STXBP6: variants seen among roughly 807,000 people sequenced by gnomAD.
The protein encoded by STXBP6 is syntaxin-binding protein 6.
A neutral mutation model predicts 26.9 loss-of-function variants in STXBP6; 21 were observed. That is an observed-to-expected ratio of 0.78 (90% CI 0.55 to 1.12). STXBP6 has a LOEUF of 1.12. Among genes scored for constraint, STXBP6 ranks in the 50% most tolerant of loss-of-function variants. STXBP6 has a pLI of 0.00. For synonymous variants in STXBP6, 97 were observed against 92.6 expected (o/e 1.05, Z -0.27); for missense variants, 232 against 257.9 (o/e 0.90, Z 0.69).
intron 4 of STXBP6, among the ~76,000 whole-genome samples, chr14:24,837,606 T>C (rs192411781): frequency 4.6e-5 from 7 of 152,282 alleles, no homozygotes; most frequent in East Asian, 1.9e-4. Context: ...TGAGTACACA[T>C]AGAACACCTA....
intron 2 of STXBP6, among the ~76,000 whole-genome samples, chr14:24,969,514 T>C (rs369949016): frequency 1.3e-5 from 2 of 152,224 alleles, no homozygotes; most frequent in East Asian, 1.9e-4. Context: ...GACATTGTTG[T>C]GGGTAGGGCT....
intron 2 of STXBP6, among the ~76,000 whole-genome samples, chr14:24,941,864 C>T (rs920062518): frequency 2.0e-4 from 31 of 152,222 alleles, no homozygotes; most frequent in African/African-American, 7.2e-4. Flanking sequence ...GTGAATGCTT[C>T]CTTTAGTTTC....
intron 2 of STXBP6, among the ~76,000 whole-genome samples, chr14:24,918,788 G>A (rs989533841): frequency 5.3e-5 from 8 of 152,122 alleles, no homozygotes; most frequent in African/African-American, 1.9e-4. Context: ...CAGAATTACA[G>A]CATCTTATGT....
At chr14:24,981,620 A>G (rs1009289090) in intron 1 of STXBP6, among the ~76,000 whole-genome samples, 2 of 152,148 alleles carry the variant, frequency 1.3e-5, no homozygotes, top group Non-Finnish European at 2.9e-5. Context: ...CAATTGGTGC[A>G]AGGATTATGA....
chr14:24,880,666 T>C (rs1320197314), intron 2 of STXBP6, among the ~76,000 whole-genome samples: 1 of 152,186 alleles, frequency 6.6e-6, no homozygotes, highest in Non-Finnish European at 1.5e-5. Flanking sequence ...ATATCCCAGT[T>C]CCCATTAATA....
At chr14:25,040,218 C>T (rs1443384392) in intron 1 of STXBP6, among the ~76,000 whole-genome samples, 1 of 152,186 alleles carries the variant, frequency 6.6e-6, no homozygotes, top group Admixed American at 6.5e-5. Flanking sequence ...ATGTTTTACA[C>T]CTGTAACTTT....
intron 4 of STXBP6, among the ~76,000 whole-genome samples, chr14:24,845,956 G>A (rs2068946667): frequency 6.6e-6 from 1 of 152,134 alleles, no homozygotes; most frequent in Non-Finnish European, 1.5e-5. Context: ...CTTCCCTGGG[G>A]CCTCCAGAAG....
intron 4 of STXBP6, among the ~76,000 whole-genome samples, chr14:24,837,321 T>G (rs1392879936): frequency 1.3e-5 from 2 of 152,178 alleles, no homozygotes; most frequent in Non-Finnish European, 2.9e-5. Context: ...TTTAAATTAT[T>G]ACTCTTGTTA....
intron 1 of STXBP6, among the ~76,000 whole-genome samples, chr14:25,019,231 C>G (rs936940022): frequency 2.0e-5 from 3 of 152,150 alleles, no homozygotes; most frequent in Non-Finnish European, 4.4e-5. Flanking sequence ...AGGCCTGAAG[C>G]TCAAGGTAGG....
chr14:24,931,139 AAAAC>A (rs1334704518), intron 2 of STXBP6, among the ~76,000 whole-genome samples: 2 of 143,914 alleles, frequency 1.4e-5, no homozygotes, highest in Non-Finnish European at 3.0e-5. Flanking sequence ...AAAAAAAAAA[AAAAC>A]CCAAACACCA....
chr14:24,891,900 T>C (rs2070800617), intron 2 of STXBP6, among the ~76,000 whole-genome samples: 1 of 152,228 alleles, frequency 6.6e-6, no homozygotes, highest in Admixed American at 6.5e-5. Flanking sequence ...ATGACTTTCC[T>C]GCTCTTTCAC....
chr14:24,996,864 C>CAA (rs753413417), intron 1 of STXBP6, among the ~76,000 whole-genome samples: 2,192 of 59,264 alleles, frequency 0.037, 101 homozygotes, highest in African/African-American at 0.048. Flanking sequence ...AACTCTGTCT[C>CAA]AAAAAAAAAA....
chr14:24,940,781 C>A (rs76267121), intron 2 of STXBP6, among the ~76,000 whole-genome samples: 2 of 152,002 alleles, frequency 1.3e-5, no homozygotes, highest in African/African-American at 4.8e-5. Flanking sequence ...TTTGGGAGCC[C>A]GAGGCAGGTG....
intron 2 of STXBP6, among the ~76,000 whole-genome samples, chr14:24,886,412 T>G (rs1298122736): frequency 6.6e-6 from 1 of 152,178 alleles, no homozygotes; most frequent in Non-Finnish European, 1.5e-5. Context: ...TCCAAGTTAT[T>G]ATAAAGATTA....
chr14:25,014,837 T>C (rs1279637988), intron 1 of STXBP6, among the ~76,000 whole-genome samples: 1 of 152,240 alleles, frequency 6.6e-6, no homozygotes, highest in African/African-American at 2.4e-5. Context: ...AGAAAATACA[T>C]GAAAACAGTA....
In STXBP6 at chr14:24,855,971, G is replaced by A; in HGVS notation, c.416C>T (p.Pro139Leu). Residue 139 changes from proline (P) to leucine (L), a missense_variant, in exon 4 of 6, where the codon CCA becomes CTA. Pro to Leu is a moderately conservative substitution (Grantham distance 98). Coordinates refer to ENST00000323944, the MANE Select transcript of STXBP6 (RefSeq NM_001394410.1). ...TTTGGATTGGCAGTTAATAAACTCT[G>A]GCTTCCTGTCCGTGAGGTACCTCTG... The part of the protein sequence containing the change: ...TCQRYLTDRK[P>L]EFINCQSKIM... The A allele has an allele frequency of 1.9e-6, 3 of 1,606,898 alleles. No individual in the cohort carries two copies. The highest frequency in any genetic ancestry group is 2.5e-6 in the Non-Finnish European group (3 of 1,177,100).
intron 1 of STXBP6, among the ~76,000 whole-genome samples, chr14:25,005,907 A>G (rs564090862): frequency 6.6e-5 from 10 of 152,246 alleles, no homozygotes; most frequent in Non-Finnish European, 8.8e-5. Context: ...AGCCCATAAG[A>G]GCTGGCCTAA....
At chr14:24,848,601 G>T (rs1365280057) in intron 4 of STXBP6, among the ~76,000 whole-genome samples, 1 of 151,976 alleles carries the variant, frequency 6.6e-6, no homozygotes, top group Admixed American at 6.6e-5. Flanking sequence ...AATGCACAAA[G>T]CCACTCCCAG....
At chr14:24,959,973 C>T (rs1207207323) in intron 2 of STXBP6, among the ~76,000 whole-genome samples, 2 of 152,188 alleles carry the variant, frequency 1.3e-5, no homozygotes, top group African/African-American at 4.8e-5. Flanking sequence ...CAAATCAAGC[C>T]TAATATTAGA....
Sources: allele counts gnomAD v4.1 joint callset (sites outside exome capture counted in the v4.1 genomes callset), GRCh38; gene constraint gnomAD v4.1.1; transcripts MANE v1.5; gene names NCBI Gene and HGNC (gene_info 2026-07-23, HGNC 2026-07-21).